The following BAIAP2 variants were observed in gnomAD, a reference collection of about 807,000 sequenced individuals.
BAIAP2 encodes BAR/IMD domain containing adaptor protein 2, also known as BAR/IMD domain-containing adapter protein 2.
A neutral mutation model predicts 63.0 loss-of-function variants in BAIAP2; 18 were observed. The observed-to-expected ratio is 0.29, with a 90% confidence interval of 0.20 to 0.42. The LOEUF is 0.42. Ranked by LOEUF, BAIAP2 falls within the 10% of genes least tolerant of loss-of-function variation. The probability of loss-of-function intolerance (pLI) is 1.00; values close to 1 mark genes in which losing one functional copy is unlikely to be tolerated. For missense variants in BAIAP2, 610 were observed against 734.3 expected (o/e 0.83, Z 1.96); for synonymous variants, 386 against 307.6 (o/e 1.25, Z -2.67).
chr17:81,072,417 C>G (rs1346595876), intron 3 of BAIAP2, among the ~76,000 whole-genome samples: 1 of 152,230 alleles, frequency 6.6e-6, no homozygotes, highest in East Asian at 1.9e-4. Context: ...TTCTCAGGGT[C>G]CAGTGGAAAA....
At chr17:81,110,395 G>A in intron 13 of BAIAP2, 2 of 988,092 alleles carry the variant, frequency 2.0e-6, no homozygotes, top group African/African-American at 3.5e-5. Flanking sequence ...AGCAACACTT[G>A]TATGAAGATG....
intron 3 of BAIAP2, among the ~76,000 whole-genome samples, chr17:81,069,302 T>A (rs1357381064): frequency 6.6e-6 from 1 of 152,158 alleles, no homozygotes; most frequent in Non-Finnish European, 1.5e-5. Context: ...ACTGAACACG[T>A]GCACACACCC....
chr17:81,053,585 G>C, intron 1 of BAIAP2, 83 bp from the exon 2 acceptor site: 3 of 1,507,684 alleles, frequency 2.0e-6, no homozygotes, highest in Non-Finnish European at 2.8e-6. Context: ...CCTGCTCTGG[G>C]TTTTCTCCTC....
At chr17:81,070,915 A>G (rs2052516643) in intron 3 of BAIAP2, among the ~76,000 whole-genome samples, 2 of 152,148 alleles carry the variant, frequency 1.3e-5, no homozygotes, top group Non-Finnish European at 2.9e-5. Context: ...GTGGTGGCTC[A>G]GGACAGTGGG....
intron 1 of BAIAP2, chr17:81,053,355 G>C: frequency 3.1e-6 from 1 of 324,032 alleles, no homozygotes; most frequent in Non-Finnish European, 5.7e-6. Flanking sequence ...CGGCGCGTCT[G>C]AGCGCCAGTT....
At chr17:81,082,442 G>T (rs965030342) in intron 3 of BAIAP2, among the ~76,000 whole-genome samples, 1 of 152,152 alleles carries the variant, frequency 6.6e-6, no homozygotes, top group Admixed American at 6.5e-5. Flanking sequence ...TGTGTGCCAG[G>T]CAGCCCTTCC....
intron 13 of BAIAP2, chr17:81,109,101 T>C (rs1199058719): frequency 6.8e-7 from 1 of 1,474,894 alleles, no homozygotes; most frequent in African/African-American, 1.4e-5. Context: ...TCTTGGGTTG[T>C]TTTTCTTTTC....
intron 6 of BAIAP2, among the ~76,000 whole-genome samples, chr17:81,088,650 T>C (rs1215675463): frequency 1.3e-5 from 2 of 152,156 alleles, no homozygotes; most frequent in African/African-American, 4.8e-5. Flanking sequence ...GGAGGGTTCT[T>C]AAAGCTCATC....
intron 1 of BAIAP2, among the ~76,000 whole-genome samples, chr17:81,039,897 G>A (rs1331604891): frequency 6.6e-6 from 1 of 152,202 alleles, no homozygotes; most frequent in Non-Finnish European, 1.5e-5. Flanking sequence ...CAGACTGGCC[G>A]GGAGGCTGAA....
intron 6 of BAIAP2, among the ~76,000 whole-genome samples, chr17:81,087,279 C>T (rs1427994701): frequency 6.6e-6 from 1 of 152,216 alleles, no homozygotes; most frequent in Non-Finnish European, 1.5e-5. Flanking sequence ...CTGGGGTGGG[C>T]AAGGTGTGGC....
At chr17:81,093,649 TG>T (rs1223279731) in intron 6 of BAIAP2, among the ~76,000 whole-genome samples, 3 of 151,786 alleles carry the variant, frequency 2.0e-5, no homozygotes, top group Admixed American at 1.3e-4. Flanking sequence ...AGGGGGCTGG[TG>T]GGGGGCATTG....
intron 1 of BAIAP2, 67 bp from the exon 2 acceptor site, chr17:81,053,601 T>A: frequency 6.4e-7 from 1 of 1,573,412 alleles, no homozygotes; most frequent in Non-Finnish European, 8.7e-7. Context: ...TCCTCTGTGT[T>A]CGGACCCTTC....
rs775810093 is a variant in BAIAP2 at position 81,057,984 on chromosome 17, CCCCCCGCCTG to C, written c.217+18_217+27del. The C allele has an allele frequency of 1.8e-4, 220 of 1,215,740 alleles. 6 individuals are homozygous for C. Among genetic ancestry groups the C allele is most frequent in the Admixed American group, 1.2e-3 (48 of 39,174 alleles). 75.3% of individuals were successfully genotyped at this position (1,215,740 alleles called of 1,614,324 possible). A position where few individuals can be genotyped will look rare whatever the true frequency, so the allele number is the denominator to read the frequency against. ...AAGAACTCGGTGAGACCCCCCCCCCCCCCCCGCCTGGTAGTCGCCTGATGCCCTCAGGCAG... is the reference window on the plus strand; with the variant it reads ...AAGAACTCGGTGAGACCCCCCCCCCCGTAGTCGCCTGATGCCCTCAGGCAG... On this transcript the variant is annotated intron_variant, in intron 3 of 13. Coordinates refer to ENST00000428708, the MANE Select transcript of BAIAP2 (RefSeq NM_001144888.2).
At chr17:81,055,574 G>GTTTTTTGTTTTTTGTTTTTTTT (rs370775327) in intron 2 of BAIAP2, among the ~76,000 whole-genome samples, 1 of 123,402 alleles carries the variant, frequency 8.1e-6, no homozygotes, top group African/African-American at 2.9e-5. Context: ...AGGGTGTTTT[G>GTTTTTTGTTTTTTGTTTTTTTT]TTTTTTTTTG....
At chr17:81,047,993 ACT>A (rs1319586887) in intron 1 of BAIAP2, among the ~76,000 whole-genome samples, 4 of 152,196 alleles carry the variant, frequency 2.6e-5, no homozygotes, top group East Asian at 3.9e-4. Context: ...GGTGGGGGAC[ACT>A]CTCTGTCAGC....
At chr17:81,075,744 A>G (rs1054744226) in intron 3 of BAIAP2, among the ~76,000 whole-genome samples, 2 of 152,122 alleles carry the variant, frequency 1.3e-5, no homozygotes, top group Non-Finnish European at 2.9e-5. Flanking sequence ...GCCACTTAGA[A>G]CACTATGGCA....
intron 3 of BAIAP2, among the ~76,000 whole-genome samples, chr17:81,082,639 G>T (rs2054833361): frequency 6.6e-6 from 1 of 152,216 alleles, no homozygotes; most frequent in Non-Finnish European, 1.5e-5. Flanking sequence ...CCTCAGGGGT[G>T]CATGAATCCC....
chr17:81,093,350 C>T (rs571917752), intron 6 of BAIAP2, among the ~76,000 whole-genome samples: 36 of 152,314 alleles, frequency 2.4e-4, no homozygotes, highest in African/African-American at 8.2e-4. Flanking sequence ...GTAGCATTGC[C>T]CTGTCCACTC....
chr17:81,094,862 A>G (rs1368389831), intron 6 of BAIAP2, among the ~76,000 whole-genome samples: 3 of 152,258 alleles, frequency 2.0e-5, no homozygotes, highest in Non-Finnish European at 4.4e-5. Flanking sequence ...GCTGAAGGCC[A>G]AGAATTACGT....
Sources: allele counts gnomAD v4.1 joint callset (sites outside exome capture counted in the v4.1 genomes callset), GRCh38; gene constraint gnomAD v4.1.1; transcripts MANE v1.5; gene names NCBI Gene and HGNC (gene_info 2026-07-23, HGNC 2026-07-21).